Variants in RIGI observed in about 807,000 individuals in gnomAD.
The protein encoded by RIGI is RNA sensor RIG-I, also known as antiviral innate immune response receptor RIG-I.
chr9:32,474,411 C>G, the RIGI span, among the ~76,000 whole-genome samples: 2 of 152,104 alleles, frequency 1.3e-5, no homozygotes, highest in African/African-American at 4.8e-5. Context: ...CTCATGTAAT[C>G]CCCTCCCCTG....
chr9:32,473,807 C>T, the RIGI span, among the ~76,000 whole-genome samples: 1 of 152,076 alleles, frequency 6.6e-6, no homozygotes, highest in Non-Finnish European at 1.5e-5. Context: ...GCAGGAGAGT[C>T]ACTTGAGCCC....
chr9:32,499,612 C>G, the RIGI span, among the ~76,000 whole-genome samples: 5 of 152,118 alleles, frequency 3.3e-5, no homozygotes, highest in East Asian at 9.7e-4. Context: ...CCCACCACCA[C>G]GCCTGGCTAA....
the RIGI span, among the ~76,000 whole-genome samples, chr9:32,505,445 T>C: frequency 3.4e-4 from 52 of 152,266 alleles, no homozygotes; most frequent in African/African-American, 8.4e-4. Context: ...ATAGGGAGAA[T>C]TGACATGTTT....
chr9:32,494,290 A>C, the RIGI span, among the ~76,000 whole-genome samples: 1 of 152,166 alleles, frequency 6.6e-6, no homozygotes, highest in African/African-American at 2.4e-5. Flanking sequence ...CAGGTTTATT[A>C]AGTATCTTCT....
At chr9:32,467,733 T>G in the RIGI span, 1 of 1,539,290 alleles carries the variant, frequency 6.5e-7, no homozygotes, top group Admixed American at 1.9e-5. Context: ...ACAGAATCCA[T>G]GTAGGAATGG....
the RIGI span, among the ~76,000 whole-genome samples, chr9:32,510,807 G>C: frequency 6.6e-6 from 1 of 152,038 alleles, no homozygotes; most frequent in Non-Finnish European, 1.5e-5. Flanking sequence ...TGGATAAAGA[G>C]TCAAGACCCA....
At chr9:32,500,595 T>C in the RIGI span, among the ~76,000 whole-genome samples, 2 of 152,332 alleles carry the variant, frequency 1.3e-5, no homozygotes, top group African/African-American at 4.8e-5. Context: ...AACTCTTCCA[T>C]TAGTGACAAT....
the RIGI span, chr9:32,526,184 GCT>G: frequency 3.7e-6 from 6 of 1,602,494 alleles, no homozygotes; most frequent in Non-Finnish European, 5.1e-6. Flanking sequence ...TCTGCTTGCA[GCT>G]AGCTACGTTC....
At chr9:32,491,249 A>G in the RIGI span, 1 of 1,595,498 alleles carries the variant, frequency 6.3e-7, no homozygotes, top group Non-Finnish European at 8.5e-7. Context: ...AAGCCCCCAC[A>G]CCAAATACCA....
the RIGI span, among the ~76,000 whole-genome samples, chr9:32,489,108 A>G: frequency 7.3e-3 from 1,107 of 152,298 alleles, 6 homozygotes; most frequent in Non-Finnish European, 0.011. Context: ...CTAAAAGAGG[A>G]CACTTTTCTT....
chr9:32,502,196 C>G, the RIGI span, among the ~76,000 whole-genome samples: 1 of 152,100 alleles, frequency 6.6e-6, no homozygotes, highest in African/African-American at 2.4e-5. Context: ...TTATTCATTC[C>G]TTTTTATTGC....
the RIGI span, among the ~76,000 whole-genome samples, chr9:32,500,176 T>C: frequency 6.6e-6 from 1 of 152,196 alleles, no homozygotes; most frequent in African/African-American, 2.4e-5. Context: ...TCTACTAAAT[T>C]TGTCTTCTTT....
chr9:32,508,173 T>C, the RIGI span, among the ~76,000 whole-genome samples: 1 of 150,558 alleles, frequency 6.6e-6, no homozygotes, highest in South Asian at 2.1e-4. Flanking sequence ...TTAACTCTTA[T>C]TTATCATAAT....
the RIGI span, among the ~76,000 whole-genome samples, chr9:32,470,837 C>T: frequency 6.6e-6 from 1 of 152,220 alleles, no homozygotes. Flanking sequence ...ACAAATTCAG[C>T]TAAAATTGTC....
At chr9:32,515,404 A>C in the RIGI span, among the ~76,000 whole-genome samples, 212 of 151,910 alleles carry the variant, frequency 1.4e-3, 1 homozygote, top group African/African-American at 4.8e-3. Flanking sequence ...AAATCCTACT[A>C]ATGTATTCCC....
chr9:32,489,495 G>A, the RIGI span: 1 of 1,266,404 alleles, frequency 7.9e-7, no homozygotes, highest in Non-Finnish European at 1.1e-6. Flanking sequence ...TTCCTGCTCT[G>A]AGGAATCACG....
At chr9:32,497,151 C>A in the RIGI span, among the ~76,000 whole-genome samples, 1 of 152,266 alleles carries the variant, frequency 6.6e-6, no homozygotes, top group South Asian at 2.1e-4. Context: ...GTATAGGCAA[C>A]TTAAGTCTTT....
chr9:32,479,357 T>C, the RIGI span, among the ~76,000 whole-genome samples: 1 of 152,186 alleles, frequency 6.6e-6, no homozygotes, highest in African/African-American at 2.4e-5. Context: ...ACAGCACTGG[T>C]TACACATATG....
the RIGI span, chr9:32,459,406 A>G: frequency 6.2e-7 from 1 of 1,613,854 alleles, no homozygotes; most frequent in African/African-American, 1.3e-5. Flanking sequence ...TAACATGCCA[A>G]GGCTTTGCAC....
Sources: allele counts gnomAD v4.1 joint callset (sites outside exome capture counted in the v4.1 genomes callset), GRCh38; gene constraint gnomAD v4.1.1; transcripts MANE v1.5; gene names NCBI Gene and HGNC (gene_info 2026-07-23, HGNC 2026-07-21).